The following RNF145 variants were observed in gnomAD, a reference collection of about 807,000 sequenced individuals.
RNF145 encodes ring finger protein 145.
Under a neutral mutation model 57.3 loss-of-function variants are expected in RNF145, and 12 were observed. The observed-to-expected ratio is 0.21, with a 90% CI of 0.13 to 0.34. The LOEUF (loss-of-function observed/expected upper bound fraction) is 0.34. Among genes scored for constraint, RNF145 ranks in the 10% least tolerant of loss-of-function variants. RNF145 has a pLI of 1.00. For synonymous variants in RNF145, 262 were observed against 288.3 expected (o/e 0.91, Z 0.92); for missense variants, 429 against 799.0 (o/e 0.54, Z 5.58).
At chr5:159,186,566 A>G (rs144415380) in intron 3 of RNF145, among the ~76,000 whole-genome samples, 49 of 152,358 alleles carry the variant, frequency 3.2e-4, no homozygotes, top group African/African-American at 9.9e-4. Flanking sequence ...ACTTGGTACA[A>G]GAAATCTCAG....
chr5:159,176,550 A>C, intron 5 of RNF145, 82 bp downstream of exon 5: 1 of 848,778 alleles, frequency 1.2e-6, no homozygotes, highest in Non-Finnish European at 1.9e-6. Context: ...ATAACTGTGA[A>C]ATAAAAATGA....
At position 159,187,660 on chromosome 5, in the gene RNF145, G is replaced by A. The variant is rs572910839; in HGVS notation, c.294-5609C>T. Among the ~76,000 whole-genome samples, 173 of 152,206 alleles carry A rather than the reference G, an allele frequency of 1.1e-3. 1 individual carries two copies. Among genetic ancestry groups the A allele is most frequent in the African/African-American group, 4.0e-3 (166 of 41,526 alleles). On this transcript the variant is annotated intron_variant, in intron 3 of 10. Coordinates refer to ENST00000424310, the MANE Select transcript of RNF145 (RefSeq NM_001199383.2). ...GTAGTTCTTAACTGAGGACAGTTTTGTTCCTCAGAGACAGCATGTGACAAT... is the reference window on the plus strand; with the variant it reads ...GTAGTTCTTAACTGAGGACAGTTTTATTCCTCAGAGACAGCATGTGACAAT...
intron 1 of RNF145, 80 bp from the exon 2 acceptor site, chr5:159,203,736 GGTT>G (rs537937457): frequency 1.1e-3 from 971 of 851,362 alleles, no homozygotes; most frequent in Non-Finnish European, 1.1e-3. Flanking sequence ...GAATCTAATA[GGTT>G]GTCACACACT....
In RNF145 at chr5:159,158,400, C is replaced by T; in HGVS notation, c.*270G>A. 2.6e-6 allele frequency: 1 copy of T among 389,740 alleles called. No homozygotes were observed. Among genetic ancestry groups the T allele is most frequent in the Non-Finnish European group, 4.7e-6 (1 of 213,780 alleles). 24.1% of individuals were successfully genotyped at this position (389,740 alleles called of 1,614,324 possible). On this transcript the variant is annotated 3_prime_UTR_variant, in exon 11 of 11. Transcript: ENST00000424310. Reference sequence around the variant, plus strand: ...GTATCAGGGGCAGTTTCTGAAGTTGCTGAGGTTGAATTTTCTTCACAAACC... The same window carrying T: ...GTATCAGGGGCAGTTTCTGAAGTTGTTGAGGTTGAATTTTCTTCACAAACC...
At chr5:159,207,967 A>G in intron 1 of RNF145, 1 of 1,592,542 alleles carries the variant, frequency 6.3e-7, no homozygotes, top group Non-Finnish European at 8.5e-7. Context: ...AAGATTCAGT[A>G]AAACTGCACA....
At chr5:159,165,353 A>C (rs1784357327) in intron 8 of RNF145, among the ~76,000 whole-genome samples, 1 of 152,184 alleles carries the variant, frequency 6.6e-6, no homozygotes, top group Non-Finnish European at 1.5e-5. Context: ...TGTATTTCTA[A>C]GTATTACAAA....
intron 3 of RNF145, among the ~76,000 whole-genome samples, chr5:159,185,344 C>T (rs962653537): frequency 9.9e-5 from 15 of 152,270 alleles, no homozygotes; most frequent in African/African-American, 3.4e-4. Context: ...GGAGCTGTCA[C>T]TTCTAAAAGG....
At chr5:159,202,318 T>G (rs906937081) in intron 2 of RNF145, among the ~76,000 whole-genome samples, 1 of 152,374 alleles carries the variant, frequency 6.6e-6, no homozygotes, top group Non-Finnish European at 1.5e-5. Flanking sequence ...CGGGAATTAC[T>G]TTCCATAAAT....
In RNF145 at chr5:159,174,024, C is replaced by G. The variant is rs1784639554; in HGVS notation, c.756G>C (p.Gln252His). The G allele has an allele frequency of 6.2e-7, 1 of 1,613,312 alleles. No individual in the cohort carries two copies. The highest frequency in any genetic ancestry group is 8.5e-7 in the Non-Finnish European group (1 of 1,179,584). The change falls in exon 6 of 11, where the codon CAG becomes CAC. Residue 252 changes from glutamine to histidine, a missense_variant. By Grantham distance (24) the Gln-to-His change is conservative. Transcript: ENST00000424310. Reference protein sequence around the residue: ...QIYSYFSTRDQPASRERLLFL... With the variant: ...QIYSYFSTRDHPASRERLLFL... ...AAAGAAGCCTCTCACGTGATGCAGG[C>G]TGATCTCGAGTACTGAAATAGGAGT...
At chr5:159,201,046 ATC>A (rs1264482937) in intron 2 of RNF145, among the ~76,000 whole-genome samples, 3 of 152,324 alleles carry the variant, frequency 2.0e-5, no homozygotes, top group Admixed American at 1.3e-4. Context: ...GGAAAGTACT[ATC>A]TGTCAACACT....
intron 6 of RNF145, among the ~76,000 whole-genome samples, chr5:159,172,499 T>A (rs945163312): frequency 6.6e-5 from 10 of 151,862 alleles, no homozygotes; most frequent in African/African-American, 2.4e-4. Context: ...AAAGTCTGCA[T>A]AAAACCTCCA....
chr5:159,189,834 C>T (rs1312876644), intron 3 of RNF145, among the ~76,000 whole-genome samples: 1 of 152,134 alleles, frequency 6.6e-6, no homozygotes, highest in Admixed American at 6.5e-5. Context: ...AAATTCAGTG[C>T]ATATAAAATA....
At chr5:159,194,861 T>C in intron 2 of RNF145, 37 bp from the exon 3 acceptor site, 1 of 1,365,606 alleles carries the variant, frequency 7.3e-7, no homozygotes, top group Non-Finnish European at 1.0e-6. Flanking sequence ...AATTTTAATT[T>C]AGTTTCCCAA....
intron 7 of RNF145, 130 bp downstream of exon 7, chr5:159,169,549 T>A: frequency 1.5e-6 from 1 of 664,950 alleles, no homozygotes. Flanking sequence ...ACCCAAATGT[T>A]GCAACCATTC....
intron 6 of RNF145, among the ~76,000 whole-genome samples, chr5:159,170,751 C>T (rs1296159868): frequency 2.0e-5 from 3 of 152,146 alleles, no homozygotes; most frequent in Non-Finnish European, 4.4e-5. Context: ...CGTGCCACTG[C>T]GCCTGGCTAA....
intron 1 of RNF145, among the ~76,000 whole-genome samples, chr5:159,208,988 G>A (rs551810543): frequency 9.7e-4 from 147 of 151,302 alleles, no homozygotes; most frequent in Non-Finnish European, 1.7e-3. Flanking sequence ...GGAGAGCAGG[G>A]TCGGAGGGAG....
intron 8 of RNF145, among the ~76,000 whole-genome samples, chr5:159,163,965 A>C (rs1784314877): frequency 6.6e-6 from 1 of 152,242 alleles, no homozygotes; most frequent in Non-Finnish European, 1.5e-5. Context: ...TGGCTACAAA[A>C]AAATTTAAGC....
At chr5:159,179,251 G>T (rs1784804899) in intron 4 of RNF145, among the ~76,000 whole-genome samples, 1 of 152,000 alleles carries the variant, frequency 6.6e-6, no homozygotes, top group Non-Finnish European at 1.5e-5. Context: ...CGTAAAAGAA[G>T]GAAGGAGTCA....
chr5:159,170,908 T>C (rs72813987), intron 6 of RNF145, among the ~76,000 whole-genome samples: 4,224 of 152,294 alleles, frequency 0.028, 94 homozygotes, highest in Admixed American at 0.059. Flanking sequence ...AGTATCTACA[T>C]CTTAAGCTTT....
Sources: allele counts gnomAD v4.1 joint callset (sites outside exome capture counted in the v4.1 genomes callset), GRCh38; gene constraint gnomAD v4.1.1; transcripts MANE v1.5; gene names NCBI Gene and HGNC (gene_info 2026-07-23, HGNC 2026-07-21).